The following CTNNA3 variants were observed in gnomAD, a reference collection of about 807,000 sequenced individuals.
CTNNA3 encodes the protein catenin alpha-3.
CTNNA3 carries 76 observed loss-of-function variants against 95.7 expected under a neutral mutation model. That is an observed-to-expected ratio of 0.79 (90% CI 0.66 to 0.96). The LOEUF (loss-of-function observed/expected upper bound fraction) is 0.96. CTNNA3 is among the 40% of genes least tolerant of loss of function. The pLI, the probability that CTNNA3 is intolerant of heterozygous loss-of-function variation, is 0.00. For missense variants in CTNNA3, 1,191 were observed against 1,089.8 expected, an observed-to-expected ratio of 1.09 and a Z score of -1.31; for synonymous variants, 431 against 374.4, an observed-to-expected ratio of 1.15 and a Z score of -1.74.
chr10:67,473,212 C>T (rs1239276120), intron 5 of CTNNA3, among the ~76,000 whole-genome samples: 1 of 152,086 alleles, frequency 6.6e-6, no homozygotes, highest in Non-Finnish European at 1.5e-5. Flanking sequence ...TCTTTAATAT[C>T]CAGATAAAAT....
intron 10 of CTNNA3, among the ~76,000 whole-genome samples, chr10:66,558,338 C>A (rs1043381493): frequency 2.6e-5 from 4 of 152,056 alleles, no homozygotes; most frequent in African/African-American, 9.7e-5. Context: ...ATTTAAATGT[C>A]TTTCTTTCCT....
chr10:66,546,438 C>A (rs1842037348), intron 10 of CTNNA3, among the ~76,000 whole-genome samples: 1 of 151,936 alleles, frequency 6.6e-6, no homozygotes, highest in Non-Finnish European at 1.5e-5. Context: ...ATCCTTGATT[C>A]AGTACAACAT....
intron 9 of CTNNA3, among the ~76,000 whole-genome samples, chr10:66,640,670 G>A (rs1043659902): frequency 1.3e-5 from 2 of 151,950 alleles, no homozygotes; most frequent in East Asian, 1.9e-4. Flanking sequence ...TCATTTTTTC[G>A]GTCTCCTTTA....
intron 7 of CTNNA3, among the ~76,000 whole-genome samples, chr10:67,052,313 ACTCTCT>A (rs3841706): frequency 0.32 from 38,857 of 120,518 alleles, 5,646 homozygotes; most frequent in East Asian, 0.41. Context: ...CCCACTCATC[ACTCTCT>A]CTCTCTCTCT....
rs556623128 is a variant in CTNNA3 at position 66,103,175 on chromosome 10, G to A, written c.1959C>T (p.Thr653=). 128 of 1,613,816 alleles carry A rather than the reference G, an allele frequency of 7.9e-5. No individual in the cohort carries two copies. The East Asian group carries it at 1.1e-3, about 14-fold the overall frequency. The change falls in exon 14 of 18, where the codon ACC becomes ACT. Residue 653 remains threonine (T), a synonymous_variant. Transcript: ENST00000433211. ...HEVRSHTSIQ[T]EGKTDRAKMT... is the part of the protein sequence containing the mutation. ...GACATACCCTATCAGTTTTCCCTTCGGTCTGAATGCTGGTGTGACTGCGGA... is the reference window on the plus strand; with the variant it reads ...GACATACCCTATCAGTTTTCCCTTCAGTCTGAATGCTGGTGTGACTGCGGA...
intron 11 of CTNNA3, among the ~76,000 whole-genome samples, chr10:66,449,175 A>G (rs1201693927): frequency 6.6e-6 from 1 of 152,116 alleles, no homozygotes; most frequent in Non-Finnish European, 1.5e-5. Context: ...GAGCAAAATG[A>G]GAGATGAGGG....
chr10:66,651,657 G>GGCCA, intron 9 of CTNNA3, among the ~76,000 whole-genome samples: 1 of 105,458 alleles, frequency 9.5e-6, no homozygotes, highest in African/African-American at 6.0e-5. Context: ...AGTGCCCGCC[G>GGCCA]GCCGGCACTG....
At chr10:66,167,375 C>T (rs368275172) in intron 13 of CTNNA3, among the ~76,000 whole-genome samples, 12 of 152,042 alleles carry the variant, frequency 7.9e-5, no homozygotes, top group South Asian at 6.2e-4. Context: ...TGACAGCAAA[C>T]GTTAAGTTTC....
chr10:67,338,182 T>C (rs1842061066), intron 5 of CTNNA3, among the ~76,000 whole-genome samples: 1 of 152,146 alleles, frequency 6.6e-6, no homozygotes, highest in Non-Finnish European at 1.5e-5. Context: ...CTGCAGACTG[T>C]ACAGGAAACA....
chr10:67,533,540 T>G (rs1015360384), intron 4 of CTNNA3, among the ~76,000 whole-genome samples: 3 of 152,194 alleles, frequency 2.0e-5, no homozygotes, highest in African/African-American at 7.2e-5. Flanking sequence ...ATCAGCACTT[T>G]TTTCCTCTGT....
chr10:66,193,249 T>A (rs2086777299), intron 13 of CTNNA3, among the ~76,000 whole-genome samples: 2 of 151,974 alleles, frequency 1.3e-5, no homozygotes, highest in African/African-American at 2.4e-5. Flanking sequence ...AACCTTCAGG[T>A]TTTTTCTGGT....
chr10:66,496,035 T>C (rs1019273469), intron 11 of CTNNA3, among the ~76,000 whole-genome samples: 4 of 152,200 alleles, frequency 2.6e-5, no homozygotes, highest in Non-Finnish European at 5.9e-5. Context: ...GGAAATGTCC[T>C]AACAACCATA....
intron 7 of CTNNA3, among the ~76,000 whole-genome samples, chr10:66,839,417 A>G (rs938005351): frequency 1.8e-4 from 28 of 152,274 alleles, no homozygotes; most frequent in African/African-American, 6.5e-4. Flanking sequence ...CATGAATATG[A>G]GTACCTTACA....
chr10:67,710,225 C>A (rs1223527007), intron 1 of CTNNA3, among the ~76,000 whole-genome samples: 2 of 151,964 alleles, frequency 1.3e-5, no homozygotes, highest in African/African-American at 4.8e-5. Context: ...CATAGCACAA[C>A]CTGGAATGGA....
intron 7 of CTNNA3, among the ~76,000 whole-genome samples, chr10:67,025,755 A>G (rs1269527958): frequency 6.6e-6 from 1 of 152,120 alleles, no homozygotes; most frequent in African/African-American, 2.4e-5. Context: ...CCATTAACAT[A>G]TGTTCTTAAT....
At chr10:67,435,470 C>T (rs542889499) in intron 5 of CTNNA3, among the ~76,000 whole-genome samples, 3 of 151,860 alleles carry the variant, frequency 2.0e-5, no homozygotes, top group African/African-American at 4.8e-5. Context: ...GAAGTCCTAG[C>T]GAGAGCAATC....
intron 7 of CTNNA3, among the ~76,000 whole-genome samples, chr10:66,895,661 T>A (rs1845451990): frequency 6.6e-6 from 1 of 152,084 alleles, no homozygotes; most frequent in Admixed American, 6.6e-5. Context: ...CATTTCTTTA[T>A]GCCTCAGTTT....
intron 1 of CTNNA3, among the ~76,000 whole-genome samples, chr10:67,689,743 C>T (rs1045139507): frequency 5.6e-4 from 86 of 152,256 alleles, no homozygotes; most frequent in African/African-American, 2.0e-3. Context: ...GGCAAACCAA[C>T]ATTCCCAACT....
At position 66,171,559 on chromosome 10, in the gene CTNNA3, AT is replaced by A. The variant is rs747663018; in HGVS notation, c.1885-68311del. Among the ~76,000 whole-genome samples the A allele has an allele frequency of 7.7e-4, 116 of 149,762 alleles. No individual in the cohort carries two copies. The South Asian group carries it at 0.012, about 16-fold the overall frequency. On this transcript the variant is annotated intron_variant, in intron 13 of 17. Transcript: ENST00000433211. Reference sequence around the variant, plus strand: ...AGACTCCATCTCAAAAAAAAAAAAAATTTAATATAAAAAATGACATAAATTA... The same window carrying A: ...AGACTCCATCTCAAAAAAAAAAAAAATTAATATAAAAAATGACATAAATTA...
Sources: gnomAD v4.1 joint callset for allele counts (sites outside exome capture counted in the v4.1 genomes callset) on GRCh38, gnomAD v4.1.1 for gene constraint, MANE v1.5 for transcripts, NCBI Gene and HGNC (gene_info 2026-07-23, HGNC 2026-07-21) for gene names.